The following SOS1 variants were observed in gnomAD, a reference collection of about 807,000 sequenced individuals.
SOS1 encodes the protein son of sevenless homolog 1.
Under a neutral mutation model 157.6 loss-of-function variants are expected in SOS1, and 25 were observed. The observed-to-expected ratio is 0.16, with a 90% CI of 0.12 to 0.22. The LOEUF (loss-of-function observed/expected upper bound fraction) is 0.22, where lower values mean the gene tolerates loss of function less well. Ranked by LOEUF, SOS1 falls within the 10% of genes least tolerant of loss-of-function variation. SOS1 has a pLI of 1.00. For synonymous variants in SOS1, 528 were observed against 534.0 expected (o/e 0.99, Z 0.16); for missense variants, 1,237 against 1,599.1 (o/e 0.77, Z 3.86).
In SOS1 at chr2:39,035,566, G is replaced by C. The variant is rs1362227843; in HGVS notation, c.865-66C>G. On this transcript the variant is annotated intron_variant, in intron 6 of 22. Transcript: ENST00000402219. ...TACAAACACAGAAAGATTTAATTAT[G>C]GGGCACGACTATGCGAGCACAATTA... The C allele has an allele frequency of 8.6e-6, 10 of 1,157,432 alleles. No homozygotes were observed. The East Asian group carries it at 2.4e-4, about 28-fold the overall frequency. The allele number at this position is 1,157,432 out of a possible 1,614,324, so 71.7% of individuals were successfully genotyped here. A position where few individuals can be genotyped will look rare whatever the true frequency, so the allele number is the denominator to read the frequency against.
chr2:39,013,683 T>C (rs1300987493), intron 12 of SOS1, 120 bp from the exon 13 acceptor site: 2 of 913,058 alleles, frequency 2.2e-6, no homozygotes, highest in African/African-American at 1.6e-5. Context: ...ATCAGTGTGC[T>C]TAACACTTCC....
intron 1 of SOS1, among the ~76,000 whole-genome samples, chr2:39,117,764 G>A (rs968249826): frequency 1.3e-5 from 2 of 152,160 alleles, no homozygotes; most frequent in African/African-American, 4.8e-5. Context: ...AGAAGTCGGA[G>A]GAGGAATAGA....
At position 38,995,104 on chromosome 2, in the gene SOS1, T is replaced by G; in HGVS notation, c.3346+19A>C. On this transcript the variant is annotated intron_variant, in intron 20 of 22. Transcript: ENST00000402219. ...AGTACTAACAAATACCTTAATGCAC[T>G]TAGAATTTTTGCACCTACTTGAGTG... 1 of 1,610,774 alleles carries G rather than the reference T, an allele frequency of 6.2e-7. No individual in the cohort carries two copies.
intron 3 of SOS1, among the ~76,000 whole-genome samples, chr2:39,057,937 A>T (rs1447124936): frequency 6.6e-6 from 1 of 152,074 alleles, no homozygotes; most frequent in East Asian, 1.9e-4. Flanking sequence ...GAAGTTACTT[A>T]ATCACTTTCT....
rs1668475505 is a variant in SOS1 at position 38,983,949 on chromosome 2, A to T, written c.*1875T>A. The T allele has an allele frequency of 6.6e-6, 1 of 152,204 alleles. No individual in the cohort carries two copies. The highest frequency in any genetic ancestry group is 2.4e-5 in the African/African-American group (1 of 41,454). 9.4% of individuals were successfully genotyped at this position (152,204 alleles called of 1,614,324 possible). A position where few individuals can be genotyped will look rare whatever the true frequency, so the allele number is the denominator to read the frequency against. On this transcript the variant is annotated 3_prime_UTR_variant, in exon 23 of 23. Transcript: ENST00000402219. Reference sequence around the variant, plus strand: ...ATAGGAATGGTACAGATATTGAGAAAGGATTCAATTCTAACAAATAAATAA... The same window carrying T: ...ATAGGAATGGTACAGATATTGAGAATGGATTCAATTCTAACAAATAAATAA...
At chr2:39,016,074 T>C (rs1167614959) in intron 10 of SOS1, among the ~76,000 whole-genome samples, 4 of 152,026 alleles carry the variant, frequency 2.6e-5, no homozygotes, top group Non-Finnish European at 5.9e-5. Flanking sequence ...CTAAGACCCA[T>C]CCTAGGTTTA....
chr2:39,032,457 A>G (rs72918721), intron 8 of SOS1, among the ~76,000 whole-genome samples: 5,342 of 152,322 alleles, frequency 0.035, 285 homozygotes, highest in African/African-American at 0.11. Context: ...TCTTTAAAAT[A>G]TAAGACATAA....
In SOS1 at chr2:39,073,876, G is replaced by C. The variant is rs567643780; in HGVS notation, c.88-6123C>G. The stretch of plus-strand genomic sequence containing the variant: ...TATGCTCTGTCATGTCTTGAGCTCA[G>C]ATCTGTTACTTTTATTTAAAAATAT... On this transcript the variant is annotated intron_variant, in intron 1 of 22. Coordinates refer to ENST00000402219, the MANE Select transcript of SOS1 (RefSeq NM_005633.4). Among the ~76,000 whole-genome samples, 316 of 152,292 alleles carry C rather than the reference G, an allele frequency of 2.1e-3. 1 individual carries two copies. The highest frequency in any genetic ancestry group is 7.2e-3 in the African/African-American group (300 of 41,574).
Position 39,010,605 on chromosome 2 carries a change from T to C in SOS1, c.2489A>G (p.Asn830Ser), listed in dbSNP as rs397517158. Residue 830 changes from asparagine (N) to serine (S), a missense_variant, in exon 15 of 23, where the codon AAC (asparagine) becomes AGC (serine). Asn to Ser is a conservative substitution (Grantham distance 46). Transcript: ENST00000402219. ...TTACTTCTCAAACCACAGAGTGAGG[T>C]TGGTGGTATGTCGAATCATTTTCAG... The part of the protein sequence containing the change: ...NLLKMIRHTT[N>S]LTLWFEKCIV... 8.7e-6 allele frequency: 14 copies of C among 1,610,968 alleles called. No individual in the cohort carries two copies. Among genetic ancestry groups the C allele is most frequent in the East Asian group, 6.7e-5 (3 of 44,824 alleles).
intron 1 of SOS1, among the ~76,000 whole-genome samples, chr2:39,082,407 C>G (rs1672235151): frequency 6.6e-6 from 1 of 152,132 alleles, no homozygotes; most frequent in African/African-American, 2.4e-5. Context: ...CTTTGTGGTA[C>G]TGCATCTTTT....
chr2:39,024,024 T>C lies in SOS1; in HGVS notation c.1188A>G (p.Ala396=). Residue 396 remains alanine, a synonymous_variant, in exon 9 of 23, where the codon GCA becomes GCG. Transcript: ENST00000402219. ...AAAATATTCACCTCAGTCTTCGTTT[T>C]GCAAGACTTTTAGAACATATTTTTT... is the stretch of plus-strand genomic sequence containing the variant. ...GMEKICSKSL[A]KRRLSESACR... 2 of 1,601,014 alleles carry C rather than the reference T, an allele frequency of 1.2e-6. No homozygotes were observed. The highest frequency in any genetic ancestry group is 1.7e-6 in the Non-Finnish European group (2 of 1,168,412).
chr2:39,044,439 T>C (rs1670682306), intron 6 of SOS1, among the ~76,000 whole-genome samples: 1 of 152,236 alleles, frequency 6.6e-6, no homozygotes, highest in Non-Finnish European at 1.5e-5. Context: ...GTTATCTTTC[T>C]TCTTTCTTGG....
chr2:39,019,061 C>G (rs1669714495), intron 10 of SOS1, among the ~76,000 whole-genome samples: 1 of 151,708 alleles, frequency 6.6e-6, no homozygotes, highest in Non-Finnish European at 1.5e-5. Flanking sequence ...GTTTTTGAGG[C>G]TTTTCCCTAT....
At chr2:39,118,627 AAAG>A (rs1482890649) in intron 1 of SOS1, among the ~76,000 whole-genome samples, 1 of 152,232 alleles carries the variant, frequency 6.6e-6, no homozygotes, top group Non-Finnish European at 1.5e-5. Flanking sequence ...TGACCTGTCT[AAAG>A]AAGGGAGCCA....
At chr2:39,118,051 C>G (rs371200292) in intron 1 of SOS1, among the ~76,000 whole-genome samples, 124 of 152,324 alleles carry the variant, frequency 8.1e-4, no homozygotes, top group African/African-American at 3.0e-3. Context: ...TCCCTGTTCT[C>G]AAGGAGCATC....
intron 1 of SOS1, among the ~76,000 whole-genome samples, chr2:39,068,998 C>T (rs1180998916): frequency 1.3e-5 from 2 of 151,956 alleles, no homozygotes; most frequent in African/African-American, 4.8e-5. Flanking sequence ...TGTCCTACTA[C>T]ACTTCATTAG....
intron 6 of SOS1, among the ~76,000 whole-genome samples, chr2:39,049,363 C>T (rs1271670547): frequency 6.6e-6 from 1 of 152,292 alleles, no homozygotes; most frequent in Non-Finnish European, 1.5e-5. Context: ...TGAGTTATTT[C>T]AATGCTTGTA....
intron 8 of SOS1, among the ~76,000 whole-genome samples, chr2:39,028,004 T>A (rs1050383168): frequency 6.6e-6 from 1 of 152,164 alleles, no homozygotes; most frequent in Non-Finnish European, 1.5e-5. Context: ...AAAATTTTTG[T>A]ATTTTTAGTA....
At chr2:38,991,105 C>T (rs1330730993) in intron 20 of SOS1, among the ~76,000 whole-genome samples, 1 of 151,618 alleles carries the variant, frequency 6.6e-6, no homozygotes, top group Non-Finnish European at 1.5e-5. Flanking sequence ...GCTGGGCCTA[C>T]ATATTTTTTT....
Sources: gnomAD v4.1 joint callset for allele counts (sites outside exome capture counted in the v4.1 genomes callset) on GRCh38, gnomAD v4.1.1 for gene constraint, MANE v1.5 for transcripts, NCBI Gene and HGNC (gene_info 2026-07-23, HGNC 2026-07-21) for gene names.